Variants in MMP17 observed in about 807,000 individuals in gnomAD.
MMP17 encodes matrix metalloproteinase-17.
In MMP17, 54 loss-of-function variants were observed where a neutral mutation model predicts 49.1. The observed-to-expected ratio is 1.10, with a 90% confidence interval of 0.88 to 1.38. MMP17 has a LOEUF of 1.38. MMP17 is among the 40% of genes most tolerant of loss of function. The pLI is 0.00. For missense variants in MMP17, 837 were observed against 853.7 expected (o/e 0.98, Z 0.24); for synonymous variants, 397 against 383.1 (o/e 1.04, Z -0.42).
intron 1 of MMP17, among the ~76,000 whole-genome samples, chr12:131,834,907 G>A (rs1308515895): frequency 2.0e-5 from 3 of 152,204 alleles, no homozygotes; most frequent in East Asian, 1.9e-4. Context: ...CCCCACAGCC[G>A]CGCCTCCACC....
In MMP17 at chr12:131,848,699, G is replaced by A. The variant is rs1039019469; in HGVS notation, c.1205-1103G>A. ...GGATCTGCCCCTCTGTGCCTGGCTCGTGTCACTCAGCGGAAGGTCCTCGGG... is the reference window on the plus strand; with the variant it reads ...GGATCTGCCCCTCTGTGCCTGGCTCATGTCACTCAGCGGAAGGTCCTCGGG... On this transcript the variant is annotated intron_variant, in intron 8 of 9. Transcript: ENST00000360564. 1.4e-4 allele frequency among the ~76,000 whole-genome samples: 21 copies of A among 152,250 alleles called. 1 individual carries two copies. Among genetic ancestry groups the A allele is most frequent in the African/African-American group, 4.3e-4 (18 of 41,548 alleles).
At chr12:131,829,516 C>T (rs1886686793) in intron 1 of MMP17, among the ~76,000 whole-genome samples, 1 of 152,142 alleles carries the variant, frequency 6.6e-6, no homozygotes, top group Non-Finnish European at 1.5e-5. Flanking sequence ...TTCTGAGGCT[C>T]CTGCCCCACC....
intron 1 of MMP17, chr12:131,837,992 G>A (rs1307926942): frequency 1.6e-5 from 9 of 556,692 alleles, no homozygotes; most frequent in Non-Finnish European, 2.7e-5. Flanking sequence ...TTACAGGCGT[G>A]AGCCACAGCA....
chr12:131,848,644 T>C (rs1034118007), intron 8 of MMP17, among the ~76,000 whole-genome samples: 11 of 151,004 alleles, frequency 7.3e-5, no homozygotes, highest in Admixed American at 4.6e-4. Context: ...CTCTGAGTGT[T>C]CCAGGGACCC....
intron 1 of MMP17, among the ~76,000 whole-genome samples, chr12:131,832,508 A>C (rs1287485177): frequency 6.6e-6 from 1 of 152,062 alleles, no homozygotes; most frequent in Non-Finnish European, 1.5e-5. Flanking sequence ...TGTTGGCAGC[A>C]GATCCCGTGG....
At chr12:131,832,434 T>G (rs1287721638) in intron 1 of MMP17, among the ~76,000 whole-genome samples, 1 of 151,174 alleles carries the variant, frequency 6.6e-6, no homozygotes, top group Non-Finnish European at 1.5e-5. Context: ...TGCAGGGTGT[T>G]CCCTGACACA....
In MMP17 at chr12:131,851,150, G is replaced by C; in HGVS notation, c.1688G>C (p.Cys563Ser). ...RSEDGYEVCS[C>S]TSGASSPPGA... is the part of the protein sequence containing the mutation. ...GAGGACGGTTACGAGGTCTGCTCAT[G>C]CACCTCTGGGGCATCCTCTCCCCCG... The change falls in exon 10 of 10, where the codon TGC (cysteine) becomes TCC (serine). Residue 563 changes from cysteine (C) to serine (S), a missense_variant. Cys to Ser is a moderately radical substitution (Grantham distance 112). Transcript: ENST00000360564. 4 of 1,556,990 alleles carry C rather than the reference G, an allele frequency of 2.6e-6. No homozygotes were observed. Among genetic ancestry groups the C allele is most frequent in the Non-Finnish European group, 3.5e-6 (4 of 1,150,722 alleles).
chr12:131,828,432 C>T lies in MMP17; in HGVS notation c.-63C>T. 1.1e-6 allele frequency: 1 copy of T among 930,908 alleles called. No individual in the cohort carries two copies. Among genetic ancestry groups the T allele is most frequent in the Non-Finnish European group, 1.3e-6 (1 of 780,266 alleles). The allele number at this position is 930,908 out of a possible 1,614,324, so 57.7% of individuals were successfully genotyped here. A position where few individuals can be genotyped will look rare whatever the true frequency, so the allele number is the denominator to read the frequency against. ...GCCGCGGAGAGCGGAGGGCGCCGGG[C>T]TGCGGAACGCGAAGCGGAGGGCGCG... On this transcript the variant is annotated 5_prime_UTR_variant, in exon 1 of 10. Transcript: ENST00000360564.
chr12:131,843,764 G>C (rs1172104976), intron 5 of MMP17, among the ~76,000 whole-genome samples: 2 of 152,216 alleles, frequency 1.3e-5, no homozygotes, highest in Non-Finnish European at 2.9e-5. Flanking sequence ...TGTACCCCGG[G>C]GTGGAATTGC....
intron 5 of MMP17, among the ~76,000 whole-genome samples, chr12:131,842,940 C>A (rs778420241): frequency 2.0e-5 from 3 of 152,140 alleles, no homozygotes; most frequent in Non-Finnish European, 4.4e-5. Context: ...CCCCTGGCAA[C>A]CCCTGACCTC....
intron 1 of MMP17, among the ~76,000 whole-genome samples, chr12:131,834,933 G>GGAC (rs1887004250): frequency 6.6e-6 from 1 of 152,220 alleles, no homozygotes; most frequent in Non-Finnish European, 1.5e-5. Context: ...TGGGAGCACA[G>GGAC]GACAGGTCAG....
chr12:131,828,862 G>A lies in MMP17; in HGVS notation c.159+209G>A, dbSNP rs576152195. On this transcript the variant is annotated intron_variant, in intron 1 of 9. Coordinates refer to ENST00000360564, the MANE Select transcript of MMP17 (RefSeq NM_016155.7). ...GAGCGCACGCGAGTCCTGGGGAGGCGCCGGCTGCCGTCCCGGCTCCGTGCG... is the reference window on the plus strand; with the variant it reads ...GAGCGCACGCGAGTCCTGGGGAGGCACCGGCTGCCGTCCCGGCTCCGTGCG... Among the ~76,000 whole-genome samples, 57 of 152,134 alleles carry A rather than the reference G, an allele frequency of 3.7e-4. No homozygotes were observed. In the East Asian group the frequency reaches 4.5e-3, roughly 12 times the overall value.
intron 6 of MMP17, chr12:131,844,753 C>T (rs1178129411): frequency 2.2e-5 from 7 of 312,592 alleles, no homozygotes; most frequent in Middle Eastern, 1.1e-3. Context: ...GCTGTGAACA[C>T]GCTTCTTGTA....
rs1176634980 is a variant in MMP17 at position 131,851,269 on chromosome 12, C to T, written c.1807C>T (p.Leu603=). The change falls in exon 10 of 10, where the codon CTA becomes TTA. Residue 603 remains leucine (L), a synonymous_variant. Coordinates refer to ENST00000360564, the MANE Select transcript of MMP17 (RefSeq NM_016155.7). Reference sequence around the variant, plus strand: ...GTGGACAGCGGCCCAGGCCCTGACGCTATGACACACAGCGCGAGCCCATGA... The same window carrying T: ...GTGGACAGCGGCCCAGGCCCTGACGTTATGACACACAGCGCGAGCCCATGA... The part of the protein sequence containing the change: ...ALWTAAQALT[L] 7.0e-7 allele frequency: 1 copy of T among 1,422,304 alleles called. No individual in the cohort carries two copies. The highest frequency in any genetic ancestry group is 3.1e-5 in the Admixed American group (1 of 32,422). 88.1% of individuals were successfully genotyped at this position (1,422,304 alleles called of 1,614,324 possible).
In MMP17 at chr12:131,844,002, CGGG is replaced by C. The variant is rs1266615757; in HGVS notation, c.890_892del (p.Arg297_Glu298delinsGln). 5.1e-6 allele frequency: 8 copies of C among 1,557,972 alleles called. No individual in the cohort carries two copies. Among genetic ancestry groups the C allele is most frequent in the Non-Finnish European group, 6.1e-6 (7 of 1,152,864 alleles). Reference sequence around the variant, plus strand: ...CTCCTCCTTGTCTCCCGCAGGTGTGCGGGAGTCTGTGTCTCCCACGGCGCAGCC... The same window carrying C: ...CTCCTCCTTGTCTCCCGCAGGTGTGCAGTCTGTGTCTCCCACGGCGCAGCC... On this transcript the variant is annotated inframe_deletion, in exon 6 of 10. Transcript: ENST00000360564.
chr12:131,840,874 C>A lies in MMP17; in HGVS notation c.706+18C>A. ...CTCCTCGGGTGCGTCTGGGGCAGCC[C>A]TCAGGGCAGAGTCAGGAGCCCCAGC... On this transcript the variant is annotated intron_variant, in intron 4 of 9. Transcript: ENST00000360564. The A allele has an allele frequency of 1.3e-6, 2 of 1,569,284 alleles. No individual in the cohort carries two copies. The highest frequency in any genetic ancestry group is 2.3e-5 in the South Asian group (2 of 86,922).
intron 3 of MMP17, 110 bp from the exon 4 acceptor site, chr12:131,840,463 G>A (rs775274579): frequency 6.8e-6 from 8 of 1,171,386 alleles, no homozygotes; most frequent in Non-Finnish European, 8.4e-6. Flanking sequence ...GAAGATGGGG[G>A]AGACCCTCAT....
intron 8 of MMP17, among the ~76,000 whole-genome samples, chr12:131,845,831 C>T (rs756004516): frequency 1.5e-4 from 23 of 152,030 alleles, no homozygotes; most frequent in African/African-American, 2.9e-4. Context: ...TGTTCCAGCC[C>T]GGGGAACGGC....
rs559041300 is a variant in MMP17, at chr12:131,843,982, CCTT to C, written c.884-14_884-12del. The C allele has an allele frequency of 3.7e-5, 57 of 1,539,308 alleles. No individual in the cohort carries two copies. The East Asian group carries it at 1.1e-3, about 28-fold the overall frequency. Reference sequence around the variant, plus strand: ...GTCGGGGGTTTGAGGCCGTCCTCCTCCTTGTCTCCCGCAGGTGTGCGGGAGTCT... The same window carrying C: ...GTCGGGGGTTTGAGGCCGTCCTCCTCGTCTCCCGCAGGTGTGCGGGAGTCT... On this transcript the variant is annotated splice_polypyrimidine_tract_variant and intron_variant, in intron 5 of 9. Transcript: ENST00000360564.
Sources: allele counts gnomAD v4.1 joint callset (sites outside exome capture counted in the v4.1 genomes callset), GRCh38; gene constraint gnomAD v4.1.1; transcripts MANE v1.5; gene names NCBI Gene and HGNC (gene_info 2026-07-23, HGNC 2026-07-21).